Variants in CREBRF observed in about 807,000 individuals in gnomAD.
CREBRF encodes CREB3 regulatory factor, also known as UPF0474 protein C5orf41.
A neutral mutation model predicts 66.1 loss-of-function variants in CREBRF; 5 were observed. The ratio of observed to expected loss-of-function variants is 0.08; its 90% CI spans 0.04 to 0.16. The LOEUF (loss-of-function observed/expected upper bound fraction) is 0.16. Among genes scored for constraint, CREBRF ranks in the 10% least tolerant of loss-of-function variants. The pLI, the probability that CREBRF is intolerant of heterozygous loss-of-function variation, is 1.00. For missense variants in CREBRF, 531 were observed against 744.9 expected (o/e 0.71, Z 3.34); for synonymous variants, 229 against 264.4 (o/e 0.87, Z 1.30).
chr5:173,131,695 TACACAC>T lies in CREBRF; in HGVS notation c.1805-1904_1805-1899del, dbSNP rs67580803. 9.6e-3 allele frequency among the ~76,000 whole-genome samples: 1,423 copies of T among 149,002 alleles called. 15 individuals are homozygous for T. Among genetic ancestry groups the T allele is most frequent in the East Asian group, 0.034 (168 of 5,008 alleles). On this transcript the variant is annotated intron_variant, in intron 8 of 8. Coordinates refer to ENST00000296953, the MANE Select transcript of CREBRF (RefSeq NM_153607.3). ...ACATGGTTAAGCTTGTATATATGTA[TACACAC>T]ACACACACACACACACACACACACA... is the stretch of plus-strand genomic sequence containing the variant.
intron 7 of CREBRF, among the ~76,000 whole-genome samples, chr5:173,122,692 C>G (rs1311806144): frequency 6.8e-6 from 1 of 146,642 alleles, no homozygotes; most frequent in Admixed American, 6.8e-5. Flanking sequence ...TGGTGTGCTG[C>G]ACCCATTAAC....
At chr5:173,121,860 A>T (rs548995455) in intron 7 of CREBRF, among the ~76,000 whole-genome samples, 123 of 151,706 alleles carry the variant, frequency 8.1e-4, no homozygotes, top group African/African-American at 2.9e-3. Context: ...TTTCCTTGCC[A>T]TTTTTTTTAG....
rs781364664 is a variant in CREBRF, at chr5:173,133,696, A to C, written c.1871A>C (p.Asn624Thr). 6.2e-7 allele frequency: 1 copy of C among 1,612,994 alleles called. No homozygotes were observed. Among genetic ancestry groups the C allele is most frequent in the East Asian group, 2.2e-5 (1 of 44,798 alleles). The change falls in exon 9 of 9, where the codon AAT becomes ACT. Residue 624 changes from asparagine to threonine, a missense_variant. Asn to Thr is a moderately conservative substitution (Grantham distance 65). Around this residue, in one of 5 missense-constraint regions of CREBRF, gnomAD observed 64 missense variants for 111.3 expected, o/e 0.58. Transcript: ENST00000296953. Reference sequence around the variant, plus strand: ...GTGTTAGAGAAGACTGCAGAAGGGAATCCCACTGGAGGCCTTGTAGGATTA... The same window carrying C: ...GTGTTAGAGAAGACTGCAGAAGGGACTCCCACTGGAGGCCTTGTAGGATTA... ...NQVLEKTAEG[N>T]PTGGLVGLRI... is the part of the protein sequence containing the mutation.
chr5:173,105,169 AC>A (rs1172993160), intron 4 of CREBRF, among the ~76,000 whole-genome samples: 1 of 152,028 alleles, frequency 6.6e-6, no homozygotes, highest in Non-Finnish European at 1.5e-5. Context: ...AAAGGTAGTT[AC>A]TATCTAAGGG....
At chr5:173,110,004 A>AAT (rs1758836557) in intron 5 of CREBRF, 1 of 195,212 alleles carries the variant, frequency 5.1e-6, no homozygotes, top group African/African-American at 2.4e-5. Flanking sequence ...TTATTTATCA[A>AAT]AGCAACAAAA....
intron 8 of CREBRF, among the ~76,000 whole-genome samples, chr5:173,128,822 C>G (rs1759335274): frequency 1.3e-5 from 2 of 151,950 alleles, no homozygotes; most frequent in Non-Finnish European, 2.9e-5. Context: ...GCTCTGTACC[C>G]CAGGCTGGAG....
At position 173,136,404 on chromosome 5, in the gene CREBRF, T is replaced by TA. The variant is rs373069368; in HGVS notation, c.*2668dup. On this transcript the variant is annotated 3_prime_UTR_variant, in exon 9 of 9. Coordinates refer to ENST00000296953, the MANE Select transcript of CREBRF (RefSeq NM_153607.3). ...TGTATATCTTAGAAAAGCACTTTGT[T>TA]AAAAAAAAATTGCATTTTATATGAT... is the stretch of plus-strand genomic sequence containing the variant. 944 of 152,002 alleles carry TA rather than the reference T, an allele frequency of 6.2e-3. 2 individuals are homozygous for TA. The highest frequency in any genetic ancestry group is 0.017 in the Middle Eastern group (5 of 292). The allele number at this position is 152,002 out of a possible 1,614,324, so 9.4% of individuals were successfully genotyped here.
chr5:173,099,150 T>C (rs1018653487), intron 4 of CREBRF, among the ~76,000 whole-genome samples: 3 of 152,202 alleles, frequency 2.0e-5, no homozygotes, highest in Non-Finnish European at 2.9e-5. Context: ...ACTTATGGCT[T>C]ACATGCATCC....
chr5:173,058,956 T>C (rs251252), intron 1 of CREBRF, among the ~76,000 whole-genome samples: 100,186 of 151,120 alleles, frequency 0.66, 33,664 homozygotes, highest in African/African-American at 0.72. Context: ...CCACCATGCC[T>C]GGCTAATTTT....
At chr5:173,061,819 GC>G (rs1407386338) in intron 1 of CREBRF, among the ~76,000 whole-genome samples, 2 of 152,178 alleles carry the variant, frequency 1.3e-5, no homozygotes, top group Non-Finnish European at 1.5e-5. Flanking sequence ...GCCTAGTGAA[GC>G]AGAGATGCCG....
chr5:173,099,419 G>A (rs1386535774), intron 4 of CREBRF, among the ~76,000 whole-genome samples: 1 of 152,144 alleles, frequency 6.6e-6, no homozygotes, highest in Non-Finnish European at 1.5e-5. Flanking sequence ...GCCTCTCAAA[G>A]TGCTGGGATT....
intron 1 of CREBRF, among the ~76,000 whole-genome samples, chr5:173,070,923 A>C (rs538810044): frequency 6.6e-6 from 1 of 152,214 alleles, no homozygotes; most frequent in Non-Finnish European, 1.5e-5. Flanking sequence ...TCTTGTGTGG[A>C]TGACTGCTCG....
In CREBRF at chr5:173,091,175, A is replaced by G; in HGVS notation, c.996A>G (p.Lys332=). ...STSVSDSSQK[K]EEHNYSLFVS... is the part of the protein sequence containing the mutation. ...CAGTCTCAGATTCATCCCAGAAAAA[A>G]GAAGAGCACAATTATTCTCTTTTTG... The change falls in exon 4 of 9, where the codon AAA becomes AAG. Residue 332 remains lysine (K), a synonymous_variant. Transcript: ENST00000296953. The G allele has an allele frequency of 1.2e-6, 2 of 1,614,212 alleles. No homozygotes were observed. The highest frequency in any genetic ancestry group is 1.7e-6 in the Non-Finnish European group (2 of 1,180,030).
intron 7 of CREBRF, among the ~76,000 whole-genome samples, chr5:173,119,151 C>G (rs934575388): frequency 6.6e-6 from 1 of 152,144 alleles, no homozygotes; most frequent in African/African-American, 2.4e-5. Flanking sequence ...TCTGTTTTGG[C>G]TATTACAGGT....
At chr5:173,078,242 C>T (rs1381351187) in intron 1 of CREBRF, among the ~76,000 whole-genome samples, 2 of 152,170 alleles carry the variant, frequency 1.3e-5, no homozygotes, top group Non-Finnish European at 2.9e-5. Context: ...TTGGATAATA[C>T]TCATCTTAAT....
chr5:173,087,997 G>T (rs1259619774), intron 3 of CREBRF, among the ~76,000 whole-genome samples: 1 of 151,126 alleles, frequency 6.6e-6, no homozygotes, highest in Non-Finnish European at 1.5e-5. Context: ...CTAATTTTTT[G>T]TATTTTTAGT....
intron 1 of CREBRF, among the ~76,000 whole-genome samples, chr5:173,071,489 C>A (rs1380957111): frequency 6.6e-6 from 1 of 151,856 alleles, no homozygotes; most frequent in East Asian, 1.9e-4. Context: ...GGATTACAGG[C>A]ATGAGCCACC....
intron 3 of CREBRF, among the ~76,000 whole-genome samples, chr5:173,089,188 A>C (rs1220110486): frequency 4.7e-5 from 7 of 150,016 alleles, no homozygotes; most frequent in Admixed American, 6.6e-5. Context: ...AAAAAAAAAA[A>C]AACAAAAAAA....
Position 173,091,277 on chromosome 5 carries a change from TGAG to T in CREBRF, c.1101_1103del (p.Glu367del). On this transcript the variant is annotated inframe_deletion, in exon 4 of 9. Coordinates refer to ENST00000296953, the MANE Select transcript of CREBRF (RefSeq NM_153607.3). ...AGGAGGACGAGGAGGATGTTGATGA[TGAG>T]GACCATGATGAAGGATTCGGCAGTG... The T allele has an allele frequency of 1.2e-6, 2 of 1,613,706 alleles. No homozygotes were observed. The highest frequency in any genetic ancestry group is 2.2e-5 in the East Asian group (1 of 44,844).
Sources: allele counts gnomAD v4.1 joint callset (sites outside exome capture counted in the v4.1 genomes callset), GRCh38; gene constraint gnomAD v4.1.1; regional missense constraint gnomAD v4.1.1; transcripts MANE v1.5; gene names NCBI Gene and HGNC (gene_info 2026-07-23, HGNC 2026-07-21).